EPG5: variants seen among roughly 807,000 people sequenced by gnomAD.
EPG5 encodes the protein ectopic P-granules 5 autophagy tethering factor.
EPG5 carries 159 observed loss-of-function variants against 302.7 expected under a neutral mutation model. The observed-to-expected ratio is 0.53, with a 90% CI of 0.46 to 0.60. The LOEUF is 0.60. Among genes scored for constraint, EPG5 ranks in the 20% least tolerant of loss-of-function variants. The pLI, the probability that EPG5 is intolerant of heterozygous loss-of-function variation, is 0.00. For missense variants in EPG5, 2,896 were observed against 3,092.4 expected, an observed-to-expected ratio of 0.94 and a Z score of 1.51; for synonymous variants, 1,158 against 1,136.8, an observed-to-expected ratio of 1.02 and a Z score of -0.37.
At chr18:45,963,429 G>A (rs545883894) in intron 1 of EPG5, among the ~76,000 whole-genome samples, 16 of 152,308 alleles carry the variant, frequency 1.1e-4, no homozygotes, top group African/African-American at 3.8e-4. Flanking sequence ...CCGAGGCCAG[G>A]AGTTTGAGAA....
intron 1 of EPG5, among the ~76,000 whole-genome samples, chr18:45,962,143 T>C (rs1599663771): frequency 6.6e-6 from 1 of 152,280 alleles, no homozygotes; most frequent in East Asian, 1.9e-4. Context: ...GTTTGTTTAA[T>C]AAATGAATGG....
chr18:45,910,164 T>C (rs1402318077), intron 23 of EPG5, among the ~76,000 whole-genome samples: 1 of 152,064 alleles, frequency 6.6e-6, no homozygotes. Flanking sequence ...TTTTTTTTTA[T>C]TTTTTGTAGA....
At chr18:45,806,746 T>G in the EPG5 span, among the ~76,000 whole-genome samples, 1 of 152,180 alleles carries the variant, frequency 6.6e-6, no homozygotes, top group Non-Finnish European at 1.5e-5. Context: ...GCAAACCATT[T>G]CTGCCTGGCC....
Position 45,880,150 on chromosome 18 carries a change from G to A in EPG5, c.5592C>T (p.Ser1864=). ...TLRALGCCAP[S]CQQGAASTEG... ...CGGTGGACGCTGCCCCCTGCTGGCA[G>A]CTGGGGGCGCAGCAGCCCAGGGCTC... Residue 1864 remains serine, a synonymous_variant, in exon 32 of 44, where the codon AGC becomes AGT. Transcript: ENST00000282041. 1.9e-6 allele frequency: 3 copies of A among 1,611,828 alleles called. No homozygotes were observed. The highest frequency in any genetic ancestry group is 2.5e-6 in the Non-Finnish European group (3 of 1,178,742).
At chr18:45,865,525 G>T in intron 39 of EPG5, 90 bp downstream of exon 39, 1 of 1,376,516 alleles carries the variant, frequency 7.3e-7, no homozygotes, top group Non-Finnish European at 1.0e-6. Flanking sequence ...GAGTGCCAGT[G>T]TCCTGAACAT....
the EPG5 span, among the ~76,000 whole-genome samples, chr18:45,801,316 G>A: frequency 9.1e-3 from 1,389 of 152,296 alleles, 22 homozygotes; most frequent in African/African-American, 0.032. Flanking sequence ...GATTACAGGC[G>A]TGAGCCACCA....
chr18:45,809,789 A>C, the EPG5 span, among the ~76,000 whole-genome samples: 1 of 152,226 alleles, frequency 6.6e-6, no homozygotes, highest in Non-Finnish European at 1.5e-5. Context: ...ACAAACAGAT[A>C]ATCTAAGTTC....
chr18:45,869,054 CA>C (rs139057138), intron 36 of EPG5, among the ~76,000 whole-genome samples: 2,295 of 98,358 alleles, frequency 0.023, 44 homozygotes, highest in African/African-American at 0.082. Flanking sequence ...GACTCCGTCT[CA>C]AAAAAAAAAA....
chr18:45,842,431 G>C, the EPG5 span: 1 of 520,814 alleles, frequency 1.9e-6, no homozygotes, highest in Non-Finnish European at 3.4e-6. Flanking sequence ...GTCTGTGTGT[G>C]TGTGTGTGTG....
the EPG5 span, chr18:45,837,394 C>T: frequency 1.5e-6 from 2 of 1,351,376 alleles, no homozygotes; most frequent in Non-Finnish European, 1.9e-6. Flanking sequence ...TCCCTGAGTC[C>T]TGGGGTTTCC....
At chr18:45,825,075 T>G in the EPG5 span, among the ~76,000 whole-genome samples, 1 of 149,594 alleles carries the variant, frequency 6.7e-6, no homozygotes, top group African/African-American at 2.5e-5. Context: ...GTATCTGCCC[T>G]CTGCATTCTT....
intron 32 of EPG5, among the ~76,000 whole-genome samples, 162 bp from the exon 33 acceptor site, chr18:45,879,376 T>G (rs999006148): frequency 6.6e-6 from 1 of 152,182 alleles, no homozygotes. Flanking sequence ...TTTGTTTTTG[T>G]TTTTGTTTTG....
At chr18:45,815,874 AC>A in the EPG5 span, among the ~76,000 whole-genome samples, 2 of 152,238 alleles carry the variant, frequency 1.3e-5, no homozygotes. Flanking sequence ...GCATCACATT[AC>A]CTGATTTCAA....
At chr18:45,879,281 T>C in intron 32 of EPG5, 67 bp from the exon 33 acceptor site, 2 of 1,138,068 alleles carry the variant, frequency 1.8e-6, no homozygotes, top group South Asian at 1.4e-5. Flanking sequence ...TATGATACAC[T>C]GTGATGGGGG....
intron 2 of EPG5, chr18:45,953,371 C>T: frequency 1.0e-6 from 1 of 985,040 alleles, no homozygotes; most frequent in South Asian, 4.7e-5. Context: ...AATACACACT[C>T]CACCAGCTGT....
chr18:45,837,526 G>T, the EPG5 span: 7 of 1,516,380 alleles, frequency 4.6e-6, no homozygotes, highest in Non-Finnish European at 5.3e-6. Context: ...CGCCAGCGCA[G>T]CGCTGGTCCA....
At chr18:45,854,138 C>T (rs2048467722) in intron 43 of EPG5, among the ~76,000 whole-genome samples, 1 of 152,208 alleles carries the variant, frequency 6.6e-6, no homozygotes, top group African/African-American at 2.4e-5. Context: ...CTGCATCTCA[C>T]TGACTTCACA....
At position 45,884,815 on chromosome 18, in the gene EPG5, G is replaced by T; in HGVS notation, c.5110-4C>A. The T allele has an allele frequency of 1.3e-6, 2 of 1,509,366 alleles. No homozygotes were observed. The highest frequency in any genetic ancestry group is 1.3e-5 in the South Asian group (1 of 77,702). 93.5% of individuals were successfully genotyped at this position (1,509,366 alleles called of 1,614,324 possible). On this transcript the variant is annotated splice_region_variant and splice_polypyrimidine_tract_variant and intron_variant, in intron 29 of 43. Transcript: ENST00000282041. ...ATTTAATGCCACTGATAAATACCTTGGAAAAATAAAAAGGAAAAATGTCAC... is the reference window on the plus strand; with the variant it reads ...ATTTAATGCCACTGATAAATACCTTTGAAAAATAAAAAGGAAAAATGTCAC...
intron 34 of EPG5, among the ~76,000 whole-genome samples, chr18:45,877,253 AAAATTAAAATTG>A: frequency 1.3e-5 from 2 of 152,020 alleles, no homozygotes; most frequent in Admixed American, 6.5e-5. Flanking sequence ...AAAAAAAATA[AAAATTAAAATTG>A]AAAAATAGCT....
Sources: gnomAD v4.1 joint callset for allele counts (sites outside exome capture counted in the v4.1 genomes callset) on GRCh38, gnomAD v4.1.1 for gene constraint, MANE v1.5 for transcripts, NCBI Gene and HGNC (gene_info 2026-07-23, HGNC 2026-07-21) for gene names.